Variants in CCDC3 observed in about 807,000 individuals in gnomAD.
CCDC3 encodes coiled-coil domain-containing protein 3.
CCDC3 carries 24 observed loss-of-function variants against 21.4 expected under a neutral mutation model. That is an observed-to-expected ratio of 1.12 (90% CI 0.81 to 1.58). CCDC3 has a LOEUF of 1.58. CCDC3 is among the 40% of genes most tolerant of loss of function. The probability of loss-of-function intolerance (pLI) is 0.00; values close to 1 mark genes in which losing one functional copy is unlikely to be tolerated. For missense variants in CCDC3, 425 were observed against 360.9 expected, an observed-to-expected ratio of 1.18 and a Z score of -1.44; for synonymous variants, 186 against 166.0, an observed-to-expected ratio of 1.12 and a Z score of -0.93.
intron 2 of CCDC3, among the ~76,000 whole-genome samples, chr10:12,938,978 A>G (rs1834779688): frequency 6.6e-6 from 1 of 152,170 alleles, no homozygotes; most frequent in Non-Finnish European, 1.5e-5. Flanking sequence ...CCAACCCCAG[A>G]TCTAACTCTA....
intron 2 of CCDC3, among the ~76,000 whole-genome samples, chr10:12,991,494 T>C (rs1313233523): frequency 6.6e-6 from 1 of 152,050 alleles, no homozygotes; most frequent in East Asian, 1.9e-4. Flanking sequence ...CTAATTTTTG[T>C]GTGTTTAGTA....
At chr10:13,074,153 A>ATATTTTTTTTT (rs1365749317) in intron 3 of CCDC3, 1 of 64,308 alleles carries the variant, frequency 1.6e-5, no homozygotes. Flanking sequence ...ATATATATAT[A>ATATTTTTTTTT]TTTTTTTTTT....
At position 12,991,096 on chromosome 10, in the gene CCDC3, C is replaced by T. The variant is rs187658821; in HGVS notation, c.549+7242G>A. On this transcript the variant is annotated intron_variant, in intron 2 of 2. Transcript: ENST00000378825. ...AAACTTGAGGATCTCAGCACACTTG[C>T]GGGGATACCTTTAAATTGTTCTAGA... Among the ~76,000 whole-genome samples, 7 of 152,202 alleles carry T rather than the reference C, an allele frequency of 4.6e-5. No homozygotes were observed. The South Asian group carries it at 8.3e-4, about 18-fold the overall frequency.
chr10:13,086,699 G>C (rs113006813), intron 3 of CCDC3, among the ~76,000 whole-genome samples: 3,132 of 152,274 alleles, frequency 0.021, 101 homozygotes, highest in African/African-American at 0.071. Flanking sequence ...GCCTGCCTCA[G>C]CCTCCCAAAG....
In CCDC3 at chr10:12,897,093, TGG is replaced by T. The variant is rs11358346; in HGVS notation, c.*1321_*1322del. The T allele has an allele frequency of 0.31, 47,934 of 152,332 alleles. 8,722 individuals carry two copies. Among genetic ancestry groups the T allele is most frequent in the African/African-American group, 0.51 (21,143 of 41,416 alleles). 9.4% of individuals were successfully genotyped at this position (152,332 alleles called of 1,614,324 possible). Reference sequence around the variant, plus strand: ...CAGCATCACCAGGCCCTGCAGTGTCTGGGGGGGGTCTCTGGGGGGCAGATCCT... The same window carrying T: ...CAGCATCACCAGGCCCTGCAGTGTCTGGGGGGTCTCTGGGGGGCAGATCCT... On this transcript the variant is annotated 3_prime_UTR_variant, in exon 3 of 3. Coordinates refer to ENST00000378825, the MANE Select transcript of CCDC3 (RefSeq NM_031455.4).
intron 2 of CCDC3, among the ~76,000 whole-genome samples, chr10:12,982,926 A>G (rs534033499): frequency 3.1e-4 from 47 of 150,750 alleles, no homozygotes; most frequent in African/African-American, 1.1e-3. Context: ...CAGCCTGGCC[A>G]ACATCGTGAA....
At chr10:12,941,778 G>A (rs1299267612) in intron 2 of CCDC3, among the ~76,000 whole-genome samples, 1 of 152,120 alleles carries the variant, frequency 6.6e-6, no homozygotes, top group Non-Finnish European at 1.5e-5. Flanking sequence ...TGCCGCTTTG[G>A]CATAAGGATT....
intron 2 of CCDC3, among the ~76,000 whole-genome samples, chr10:12,994,095 G>A (rs1306463927): frequency 6.6e-6 from 1 of 152,086 alleles, no homozygotes; most frequent in African/African-American, 2.4e-5. Context: ...TTAAAGAACA[G>A]CAGCATCAAC....
At chr10:13,008,840 G>A (rs899593386) in intron 5 of CCDC3, among the ~76,000 whole-genome samples, 3 of 152,150 alleles carry the variant, frequency 2.0e-5, no homozygotes, top group African/African-American at 4.8e-5. Flanking sequence ...TTCACTTAAT[G>A]TGAAAGACTG....
chr10:13,097,101 G>A (rs1253006055), intron 3 of CCDC3, among the ~76,000 whole-genome samples: 1 of 152,170 alleles, frequency 6.6e-6, no homozygotes, highest in African/African-American at 2.4e-5. Flanking sequence ...GGAACACAAG[G>A]AACATCAAAC....
At chr10:12,974,751 A>G (rs1294887979) in intron 2 of CCDC3, among the ~76,000 whole-genome samples, 1 of 152,222 alleles carries the variant, frequency 6.6e-6, no homozygotes, top group Non-Finnish European at 1.5e-5. Flanking sequence ...TTCTTAGAGC[A>G]CATCCACTGC....
chr10:12,971,848 G>C (rs570861193), intron 2 of CCDC3, among the ~76,000 whole-genome samples: 1 of 151,888 alleles, frequency 6.6e-6, no homozygotes, highest in East Asian at 1.9e-4. Context: ...CACCATGCCC[G>C]GCTAATTTTT....
At chr10:12,917,180 CTTTTTTTTTTTT>C (rs56054100) in intron 2 of CCDC3, among the ~76,000 whole-genome samples, 11 of 58,238 alleles carry the variant, frequency 1.9e-4, no homozygotes, top group African/African-American at 7.4e-4. Context: ...ATTTCTTCTT[CTTTTTTTTTTTT>C]TTTTTTTTTT....
At chr10:12,973,137 A>G (rs1299630767) in intron 2 of CCDC3, among the ~76,000 whole-genome samples, 3 of 152,208 alleles carry the variant, frequency 2.0e-5, no homozygotes, top group Non-Finnish European at 2.9e-5. Flanking sequence ...AAAGACAGAT[A>G]AATAAGCCCA....
intron 2 of CCDC3, among the ~76,000 whole-genome samples, chr10:12,901,260 A>G (rs974826253): frequency 6.6e-6 from 1 of 151,822 alleles, no homozygotes; most frequent in Non-Finnish European, 1.5e-5. Flanking sequence ...TACCTCTTAC[A>G]TTATTTTTTC....
chr10:12,990,238 CA>C (rs1835660836), intron 2 of CCDC3, among the ~76,000 whole-genome samples: 1 of 99,294 alleles, frequency 1.0e-5, no homozygotes. Flanking sequence ...CTGGCCTGGG[CA>C]AAAAAGCGAG....
At chr10:13,063,526 C>T (rs1836787143) in intron 4 of CCDC3, among the ~76,000 whole-genome samples, 1 of 151,808 alleles carries the variant, frequency 6.6e-6, no homozygotes. Context: ...CATTGAATCA[C>T]AACAATCTTT....
In CCDC3 at chr10:12,990,149, C is replaced by T. The variant is rs559420820; in HGVS notation, c.549+8189G>A. On this transcript the variant is annotated intron_variant, in intron 2 of 2. Coordinates refer to ENST00000378825, the MANE Select transcript of CCDC3 (RefSeq NM_031455.4). Reference sequence around the variant, plus strand: ...ATCCTGTAGTCCCAGCTACAGGCCTCGGGAGGCTGAGGCAGGAGAATGGTG... The same window carrying T: ...ATCCTGTAGTCCCAGCTACAGGCCTTGGGAGGCTGAGGCAGGAGAATGGTG... Among the ~76,000 whole-genome samples the T allele has an allele frequency of 4.6e-4, 69 of 151,422 alleles. 1 individual carries two copies. In the East Asian group the frequency reaches 0.013, roughly 27 times the overall value.
At chr10:12,920,959 C>G (rs1388749284) in intron 2 of CCDC3, among the ~76,000 whole-genome samples, 1 of 152,200 alleles carries the variant, frequency 6.6e-6, no homozygotes. Flanking sequence ...CAGAGGAGGG[C>G]AGGCTTCAGC....
Sources: allele counts gnomAD v4.1 joint callset (sites outside exome capture counted in the v4.1 genomes callset), GRCh38; gene constraint gnomAD v4.1.1; transcripts MANE v1.5; gene names NCBI Gene and HGNC (gene_info 2026-07-23, HGNC 2026-07-21).